Variants in GRIK1 observed in about 807,000 individuals in gnomAD.
GRIK1 encodes glutamate ionotropic receptor kainate type subunit 1, also known as glutamate receptor ionotropic, kainate 1.
A neutral mutation model predicts 105.7 loss-of-function variants in GRIK1; 69 were observed. The observed-to-expected ratio is 0.65, with a 90% CI of 0.54 to 0.80. GRIK1 has a LOEUF of 0.80. Among genes scored for constraint, GRIK1 ranks in the 30% least tolerant of loss-of-function variants. The pLI is 0.00. For synonymous variants in GRIK1, 438 were observed against 431.3 expected, an observed-to-expected ratio of 1.02 and a Z score of -0.19; for missense variants, 1,109 against 1,167.3, an observed-to-expected ratio of 0.95 and a Z score of 0.73.
intron 12 of GRIK1, chr21:29,582,233 G>A: frequency 2.3e-6 from 1 of 431,542 alleles, no homozygotes; most frequent in South Asian, 1.8e-5. Context: ...GTACACATTA[G>A]TATTAACTAC....
intron 1 of GRIK1, among the ~76,000 whole-genome samples, chr21:29,801,665 A>G (rs989312526): frequency 3.3e-5 from 5 of 152,318 alleles, no homozygotes; most frequent in African/African-American, 1.2e-4. Flanking sequence ...CATATTTTCA[A>G]TTAATTTTCA....
intron 1 of GRIK1, among the ~76,000 whole-genome samples, chr21:29,773,564 A>T (rs2065866359): frequency 6.6e-6 from 1 of 152,120 alleles, no homozygotes; most frequent in Non-Finnish European, 1.5e-5. Context: ...AGCACAGCCT[A>T]CTTCATCAAA....
intron 1 of GRIK1, among the ~76,000 whole-genome samples, chr21:29,920,528 A>G (rs1236077335): frequency 2.6e-5 from 4 of 152,098 alleles, no homozygotes; most frequent in Non-Finnish European, 5.9e-5. Context: ...TTCCCATTAC[A>G]GGAGTTCATA....
At chr21:29,815,434 A>T (rs1290269392) in intron 1 of GRIK1, among the ~76,000 whole-genome samples, 3 of 152,160 alleles carry the variant, frequency 2.0e-5, no homozygotes, top group Non-Finnish European at 1.5e-5. Context: ...TACTCAGTTG[A>T]TGACGGCTGT....
rs1006046879 is a variant in GRIK1 at position 29,787,711 on chromosome 21, G to A, written c.119-93648C>T. 9.2e-5 allele frequency among the ~76,000 whole-genome samples: 14 copies of A among 152,168 alleles called. 1 individual carries two copies. In the Middle Eastern group the frequency reaches 0.024, roughly 259 times the overall value. On this transcript the variant is annotated intron_variant, in intron 1 of 17. Coordinates refer to ENST00000327783, the MANE Select transcript of GRIK1 (RefSeq NM_001330994.2). ...ACATTTTCATCTTTAGCCTATAGACGCACCACGATTCTTCATAGGTTAGGT... is the reference window on the plus strand; with the variant it reads ...ACATTTTCATCTTTAGCCTATAGACACACCACGATTCTTCATAGGTTAGGT...
intron 3 of GRIK1, among the ~76,000 whole-genome samples, chr21:29,685,635 A>G (rs770943958): frequency 6.6e-6 from 1 of 152,192 alleles, no homozygotes; most frequent in Non-Finnish European, 1.5e-5. Flanking sequence ...ATGTGCTATG[A>G]TTAGTTTAAA....
At chr21:29,855,099 A>T (rs1048093357) in intron 1 of GRIK1, among the ~76,000 whole-genome samples, 3 of 152,190 alleles carry the variant, frequency 2.0e-5, no homozygotes, top group African/African-American at 7.2e-5. Context: ...TCTAGATCTG[A>T]CATCATAGAC....
Position 29,740,470 on chromosome 21 carries a change from T to C in GRIK1, c.119-46407A>G, listed in dbSNP as rs1040214584. On this transcript the variant is annotated intron_variant, in intron 1 of 17. Coordinates refer to ENST00000327783, the MANE Select transcript of GRIK1 (RefSeq NM_001330994.2). ...TGACCTCATGATCTGCCCGCCTCGGTCTCCCAAAGTGCTGGGATTTCAGGC... is the reference window on the plus strand; with the variant it reads ...TGACCTCATGATCTGCCCGCCTCGGCCTCCCAAAGTGCTGGGATTTCAGGC... Among the ~76,000 whole-genome samples, 15 of 152,166 alleles carry C rather than the reference T, an allele frequency of 9.9e-5. No individual in the cohort carries two copies. The South Asian group carries it at 2.9e-3, about 29-fold the overall frequency.
intron 7 of GRIK1, among the ~76,000 whole-genome samples, chr21:29,612,566 C>A (rs2061752435): frequency 6.6e-6 from 1 of 152,206 alleles, no homozygotes; most frequent in African/African-American, 2.4e-5. Context: ...TCATTTCTCA[C>A]CAACTCAAAA....
intron 4 of GRIK1, among the ~76,000 whole-genome samples, chr21:29,666,857 AG>A (rs1435431430): frequency 6.6e-6 from 1 of 152,226 alleles, no homozygotes; most frequent in African/African-American, 2.4e-5. Flanking sequence ...GTAGCAGAAG[AG>A]GTTACATTTT....
intron 4 of GRIK1, among the ~76,000 whole-genome samples, chr21:29,658,299 T>C (rs1185104107): frequency 6.6e-6 from 1 of 152,172 alleles, no homozygotes; most frequent in African/African-American, 2.4e-5. Flanking sequence ...TCTCATTCTG[T>C]CGCCCCAGGC....
intron 1 of GRIK1, among the ~76,000 whole-genome samples, chr21:29,856,306 C>G (rs1237498606): frequency 6.6e-6 from 1 of 152,146 alleles, no homozygotes; most frequent in African/African-American, 2.4e-5. Context: ...GGAAAATTAT[C>G]AGCATACAGC....
intron 1 of GRIK1, among the ~76,000 whole-genome samples, chr21:29,828,431 T>G (rs1053619514): frequency 2.0e-5 from 3 of 150,078 alleles, no homozygotes; most frequent in African/African-American, 7.4e-5. Context: ...CTAGGAGCCT[T>G]GATATTATTT....
At chr21:29,573,571 CG>C (rs555600927) in intron 14 of GRIK1, among the ~76,000 whole-genome samples, 13 of 144,194 alleles carry the variant, frequency 9.0e-5, no homozygotes, top group Admixed American at 4.1e-4. Context: ...CTTAAGGGGC[CG>C]GGCGCAGTGG....
intron 15 of GRIK1, among the ~76,000 whole-genome samples, chr21:29,560,914 TATAGAGAGGGAAAAA>T (rs1179043013): frequency 6.6e-6 from 1 of 152,114 alleles, no homozygotes; most frequent in Non-Finnish European, 1.5e-5. Context: ...TACAGTTTTC[TATAGAGAGGGAAAAA>T]ATAGAGAGGG....
chr21:29,875,520 A>T (rs879536333), intron 1 of GRIK1, among the ~76,000 whole-genome samples: 1 of 152,068 alleles, frequency 6.6e-6, no homozygotes, highest in Admixed American at 6.5e-5. Flanking sequence ...CAGCAACCAC[A>T]ATGATTTACG....
chr21:29,734,426 T>TTTTCTTTTCTTTTCTTTTCTTTTC lies in GRIK1; in HGVS notation c.119-40364_119-40363insGAAAAGAAAAGAAAAGAAAAGAAA, dbSNP rs1284335668. Reference sequence around the variant, plus strand: ...CTTTTCTTTTCTTTTCTTTTCTTTTTGAGACAGAGTCTTACTCTCTTGCCC... The same window carrying TTTTCTTTTCTTTTCTTTTCTTTTC: ...CTTTTCTTTTCTTTTCTTTTCTTTTTTTTCTTTTCTTTTCTTTTCTTTTCGAGACAGAGTCTTACTCTCTTGCCC... On this transcript the variant is annotated intron_variant, in intron 1 of 17. Coordinates refer to ENST00000327783, the MANE Select transcript of GRIK1 (RefSeq NM_001330994.2). Among the ~76,000 whole-genome samples the TTTTCTTTTCTTTTCTTTTCTTTTC allele has an allele frequency of 9.6e-4, 20 of 20,838 alleles. 5 individuals carry two copies. Among genetic ancestry groups the TTTTCTTTTCTTTTCTTTTCTTTTC allele is most frequent in the Non-Finnish European group, 2.6e-3 (14 of 5,410 alleles). 13.7% of individuals were successfully genotyped at this position (20,838 alleles called of 152,430 possible). A position where few individuals can be genotyped will look rare whatever the true frequency, so the allele number is the denominator to read the frequency against.
intron 1 of GRIK1, among the ~76,000 whole-genome samples, chr21:29,740,336 G>A (rs1423637579): frequency 6.6e-6 from 1 of 151,772 alleles, no homozygotes; most frequent in Non-Finnish European, 1.5e-5. Flanking sequence ...TTCTGCCTCA[G>A]CCTCCCGAGT....
chr21:29,848,779 A>ATATATATATTTTTTTTTT, intron 1 of GRIK1, among the ~76,000 whole-genome samples: 4 of 77,864 alleles, frequency 5.1e-5, no homozygotes, highest in African/African-American at 2.3e-4. Context: ...ATATATATAT[A>ATATATATATTTTTTTTTT]TTTTTTTTTT....
Sources: gnomAD v4.1 joint callset for allele counts (sites outside exome capture counted in the v4.1 genomes callset) on GRCh38, gnomAD v4.1.1 for gene constraint, MANE v1.5 for transcripts, NCBI Gene and HGNC (gene_info 2026-07-23, HGNC 2026-07-21) for gene names.